Variants in RGPD2 observed in about 807,000 individuals in gnomAD.
RGPD2 encodes the protein RANBP2-like and GRIP domain-containing protein 2.
A neutral mutation model predicts 36.0 loss-of-function variants in RGPD2; 2 were observed. The ratio of observed to expected loss-of-function variants is 0.06; its 90% CI spans 0.02 to 0.17. The LOEUF (loss-of-function observed/expected upper bound fraction) is 0.17, where lower values mean the gene tolerates loss of function less well. RGPD2 is among the 10% of genes least tolerant of loss of function. The pLI, the probability that RGPD2 is intolerant of heterozygous loss-of-function variation, is 1.00. For synonymous variants in RGPD2, 19 were observed against 163.8 expected (o/e 0.12, Z 6.75); for missense variants, 40 against 464.3 (o/e 0.09, Z 8.40).
the RGPD2 span, among the ~76,000 whole-genome samples, chr2:87,940,068 C>T: frequency 2.0e-5 from 3 of 152,028 alleles, no homozygotes; most frequent in East Asian, 5.9e-4. Flanking sequence ...GATGGCACAA[C>T]AAGTGTCCAG....
At chr2:87,975,052 C>A in the RGPD2 span, among the ~76,000 whole-genome samples, 2 of 152,174 alleles carry the variant, frequency 1.3e-5, no homozygotes, top group African/African-American at 2.4e-5. Flanking sequence ...CTAATTTATT[C>A]TCTTATTATT....
At chr2:87,854,776 T>A in the RGPD2 span, among the ~76,000 whole-genome samples, 2 of 152,100 alleles carry the variant, frequency 1.3e-5, no homozygotes, top group African/African-American at 4.8e-5. Context: ...TATTCACCTA[T>A]TGAAGGACAT....
the RGPD2 span, among the ~76,000 whole-genome samples, chr2:87,911,820 T>C: frequency 6.6e-6 from 1 of 151,838 alleles, no homozygotes; most frequent in African/African-American, 2.4e-5. Flanking sequence ...TTTGAGTTTA[T>C]GAGTTTGAAA....
chr2:87,881,462 AG>A, the RGPD2 span, among the ~76,000 whole-genome samples: 1 of 151,910 alleles, frequency 6.6e-6, no homozygotes, highest in Non-Finnish European at 1.5e-5. Context: ...AAATCTAGGC[AG>A]TTGCTGCCAA....
the RGPD2 span, among the ~76,000 whole-genome samples, chr2:87,859,569 C>G: frequency 6.6e-6 from 1 of 152,216 alleles, no homozygotes. Flanking sequence ...CTGTTCAGCT[C>G]TTGCTCTTGC....
At chr2:87,829,583 G>C (rs1263328481), upstream of RGPD2, among the ~76,000 whole-genome samples, 1 of 151,000 alleles carries the variant, frequency 6.6e-6, no homozygotes, top group Non-Finnish European at 1.5e-5. Flanking sequence ...GAAAAGAGGA[G>C]CAAAGGCAAG....
chr2:87,880,839 T>C, the RGPD2 span, among the ~76,000 whole-genome samples: 5 of 94,794 alleles, frequency 5.3e-5, no homozygotes, highest in Admixed American at 4.5e-4. Context: ...AAGTTTCATT[T>C]GAGACAAGGC....
the RGPD2 span, among the ~76,000 whole-genome samples, chr2:87,883,931 C>T: frequency 6.0e-5 from 9 of 150,820 alleles, no homozygotes; most frequent in Non-Finnish European, 1.0e-4. Context: ...TTAAACTACA[C>T]GTAAGAACAA....
chr2:87,971,798 AAAAAC>A, the RGPD2 span, among the ~76,000 whole-genome samples: 1 of 152,302 alleles, frequency 6.6e-6, no homozygotes, highest in East Asian at 1.9e-4. Flanking sequence ...ACAAATAAAG[AAAAAC>A]AAAACAAATA....
chr2:87,780,416 GA>G (rs1228579600), intron 20 of RGPD2, among the ~76,000 whole-genome samples: 2 of 118,954 alleles, frequency 1.7e-5, no homozygotes, highest in Non-Finnish European at 1.7e-5. Flanking sequence ...AGAGCTCACA[GA>G]AACTGTACGC....
chr2:87,847,587 G>A, the RGPD2 span, among the ~76,000 whole-genome samples: 68 of 149,868 alleles, frequency 4.5e-4, no homozygotes, highest in African/African-American at 1.6e-3. Context: ...TAACCTCCGC[G>A]TCCAGGGTTC....
chr2:87,986,136 C>CTTTTTTTT, the RGPD2 span, among the ~76,000 whole-genome samples: 1 of 88,528 alleles, frequency 1.1e-5, no homozygotes, highest in African/African-American at 3.9e-5. Flanking sequence ...CTGAAGACAG[C>CTTTTTTTT]TTTTTTTTTT....
At chr2:87,916,313 TG>T in the RGPD2 span, among the ~76,000 whole-genome samples, 7 of 134,454 alleles carry the variant, frequency 5.2e-5, no homozygotes, top group South Asian at 1.8e-3. Context: ...AGTTGAAGGA[TG>T]GAATTTTTAA....
At chr2:87,855,114 T>C in the RGPD2 span, among the ~76,000 whole-genome samples, 6 of 151,920 alleles carry the variant, frequency 3.9e-5, no homozygotes, top group Admixed American at 3.9e-4. Flanking sequence ...CACCATGCTA[T>C]AAATTACATC....
rs1558724064 is a variant in RGPD2 at position 87,783,177 on chromosome 2, CTGT to C, written c.3844_3846del (p.Thr1282del). 10 of 1,269,694 alleles carry C rather than the reference CTGT, an allele frequency of 7.9e-6. No homozygotes were observed. Among genetic ancestry groups the C allele is most frequent in the African/African-American group, 5.5e-5 (3 of 54,268 alleles). 78.7% of individuals were successfully genotyped at this position (1,269,694 alleles called of 1,614,324 possible). Reference sequence around the variant, plus strand: ...GCAGATTTAAAACTGAAGTTAAATCCTGTTGTTGACTCATCAAAGCGGAAAATA... The same window carrying C: ...GCAGATTTAAAACTGAAGTTAAATCCTGTTGACTCATCAAAGCGGAAAATA... On this transcript the variant is annotated inframe_deletion, in exon 20 of 23. Transcript: ENST00000398146.
In RGPD2 at chr2:87,825,645, G is replaced by C. The variant is rs774888656; in HGVS notation, c.72+13C>G. The C allele has an allele frequency of 1.1e-5, 17 of 1,563,412 alleles. No individual in the cohort carries two copies. Among genetic ancestry groups the C allele is most frequent in the East Asian group, 2.4e-5 (1 of 42,204 alleles). On this transcript the variant is annotated intron_variant, in intron 1 of 22. Coordinates refer to ENST00000398146, the MANE Select transcript of RGPD2 (RefSeq NM_001078170.3). ...CCAGGTCGAGGCCGTCGGTCTCTTC[G>C]AGATCCACTCACCTTTCCAGGCGAC...
chr2:87,951,310 C>A, the RGPD2 span, among the ~76,000 whole-genome samples: 1 of 151,386 alleles, frequency 6.6e-6, no homozygotes, highest in South Asian at 2.1e-4. Context: ...TAACCAAGAA[C>A]ATGCGTACCA....
the RGPD2 span, among the ~76,000 whole-genome samples, chr2:87,875,116 A>C: frequency 2.6e-5 from 4 of 152,168 alleles, no homozygotes; most frequent in Non-Finnish European, 4.4e-5. Context: ...GGCTGAGATG[A>C]TAAGGTTTTC....
chr2:87,867,038 A>ATGAT, the RGPD2 span, among the ~76,000 whole-genome samples: 2 of 151,144 alleles, frequency 1.3e-5, no homozygotes, highest in African/African-American at 2.4e-5. Flanking sequence ...CACTCTGCTT[A>ATGAT]TGATAGGAAA....
Sources: gnomAD v4.1 joint callset for allele counts (sites outside exome capture counted in the v4.1 genomes callset) on GRCh38, gnomAD v4.1.1 for gene constraint, MANE v1.5 for transcripts, NCBI Gene and HGNC (gene_info 2026-07-23, HGNC 2026-07-21) for gene names.